SLC39A11: variants seen among roughly 807,000 people sequenced by gnomAD.
SLC39A11 encodes zinc transporter ZIP11.
A neutral mutation model predicts 36.1 loss-of-function variants in SLC39A11; 33 were observed. That is an observed-to-expected ratio of 0.91 (90% CI 0.69 to 1.22). The LOEUF (loss-of-function observed/expected upper bound fraction) is 1.22, where lower values mean the gene tolerates loss of function less well. Ranked by LOEUF, SLC39A11 falls within the 50% of genes most tolerant of loss-of-function variation. The probability of loss-of-function intolerance (pLI) is 0.00; values close to 1 mark genes in which losing one functional copy is unlikely to be tolerated. For missense variants in SLC39A11, 432 were observed against 430.3 expected, an observed-to-expected ratio of 1.00 and a Z score of -0.03; for synonymous variants, 166 against 170.3, an observed-to-expected ratio of 0.97 and a Z score of 0.20.
intron 5 of SLC39A11, among the ~76,000 whole-genome samples, chr17:72,889,737 G>A (rs1294854630): frequency 6.6e-6 from 1 of 152,146 alleles, no homozygotes; most frequent in African/African-American, 2.4e-5. Flanking sequence ...TAATCTGCAT[G>A]ATACTGTCAC....
At chr17:72,843,546 T>C (rs1022410157) in intron 6 of SLC39A11, among the ~76,000 whole-genome samples, 2 of 152,080 alleles carry the variant, frequency 1.3e-5, no homozygotes, top group East Asian at 3.9e-4. Flanking sequence ...CTTTCCACCA[T>C]GTGAGGATAC....
At chr17:72,924,948 G>A (rs184106364) in intron 5 of SLC39A11, among the ~76,000 whole-genome samples, 29 of 148,620 alleles carry the variant, frequency 2.0e-4, no homozygotes, top group Non-Finnish European at 3.7e-4. Flanking sequence ...GTTGCAGTGA[G>A]CCGAGATTGT....
At chr17:72,698,685 T>C (rs937117708) in intron 7 of SLC39A11, among the ~76,000 whole-genome samples, 1 of 152,188 alleles carries the variant, frequency 6.6e-6, no homozygotes, top group Non-Finnish European at 1.5e-5. Context: ...ATTTGTGCCA[T>C]ATATTCTTCT....
chr17:72,837,508 G>C (rs2078613485), intron 6 of SLC39A11, among the ~76,000 whole-genome samples: 1 of 152,102 alleles, frequency 6.6e-6, no homozygotes, highest in African/African-American at 2.4e-5. Flanking sequence ...TGGCTTCAAA[G>C]AGTTCAAAGG....
At chr17:72,747,342 G>C (rs991157908) in intron 6 of SLC39A11, among the ~76,000 whole-genome samples, 1 of 152,148 alleles carries the variant, frequency 6.6e-6, no homozygotes, top group African/African-American at 2.4e-5. Flanking sequence ...GTAGAGGCGG[G>C]GTTTTTGCCA....
At chr17:72,786,621 A>C (rs7220220) in intron 6 of SLC39A11, among the ~76,000 whole-genome samples, 2,383 of 152,092 alleles carry the variant, frequency 0.016, 37 homozygotes, top group African/African-American at 0.039. Flanking sequence ...GCTATTCCTC[A>C]ATGACAGGGA....
chr17:72,754,067 C>T (rs1264769409), intron 6 of SLC39A11, among the ~76,000 whole-genome samples: 46 of 148,402 alleles, frequency 3.1e-4, no homozygotes, highest in African/African-American at 9.9e-4. Context: ...CACACACACA[C>T]ACACACACAC....
intron 7 of SLC39A11, among the ~76,000 whole-genome samples, chr17:72,729,447 A>AT (rs2074114827): frequency 2.5e-4 from 1 of 4,002 alleles, no homozygotes; most frequent in Admixed American, 5.3e-3. Flanking sequence ...ATATATATAT[A>AT]TATATATATA....
chr17:73,073,041 G>T (rs1188158422), intron 3 of SLC39A11, among the ~76,000 whole-genome samples: 1 of 152,192 alleles, frequency 6.6e-6, no homozygotes, highest in Non-Finnish European at 1.5e-5. Context: ...TTAGCTGGAC[G>T]TGGTGGCAGG....
chr17:72,972,493 G>T (rs145653377), intron 4 of SLC39A11, among the ~76,000 whole-genome samples: 91 of 152,256 alleles, frequency 6.0e-4, no homozygotes, highest in Middle Eastern at 3.4e-3. Flanking sequence ...TGCTTATGAG[G>T]CATGAGGGCA....
intron 4 of SLC39A11, among the ~76,000 whole-genome samples, chr17:72,998,381 C>G (rs1019715363): frequency 1.3e-5 from 2 of 152,168 alleles, no homozygotes; most frequent in Admixed American, 6.5e-5. Context: ...AAGTCATGCA[C>G]CAATTTTAGG....
intron 6 of SLC39A11, among the ~76,000 whole-genome samples, chr17:72,810,084 CAAA>C (rs10708067): frequency 8.8e-5 from 12 of 136,674 alleles, no homozygotes; most frequent in East Asian, 2.1e-4. Flanking sequence ...ACAAAAACAA[CAAA>C]AAAAAAAAAA....
At chr17:73,023,872 C>T (rs2058443058) in intron 4 of SLC39A11, among the ~76,000 whole-genome samples, 1 of 152,126 alleles carries the variant, frequency 6.6e-6, no homozygotes, top group African/African-American at 2.4e-5. Flanking sequence ...CGTAAAGAAA[C>T]ACCAGGGATG....
chr17:72,906,379 C>T (rs147201273), intron 5 of SLC39A11, among the ~76,000 whole-genome samples: 357 of 152,378 alleles, frequency 2.3e-3, no homozygotes, highest in African/African-American at 8.3e-3. Context: ...GTGAGAAGGA[C>T]ACCTGTGCCT....
chr17:72,794,598 T>G (rs774537405), intron 6 of SLC39A11, among the ~76,000 whole-genome samples: 1 of 152,004 alleles, frequency 6.6e-6, no homozygotes, highest in Non-Finnish European at 1.5e-5. Flanking sequence ...ACTCAAACTG[T>G]CCAGTCCTCC....
intron 6 of SLC39A11, among the ~76,000 whole-genome samples, chr17:72,847,641 C>T (rs140537726): frequency 8.7e-4 from 132 of 152,056 alleles, no homozygotes; most frequent in Non-Finnish European, 1.2e-3. Flanking sequence ...ATAGTGCTTT[C>T]GGCAGATTTA....
rs1038310603 is a variant in SLC39A11 at position 72,970,870 on chromosome 17, G to A, written c.307-22995C>T. ...CTTAGACAGCTCCTTCGAGCTGGCC[G>A]CATGGGCACTGTGTCCTCAGAGCCT... On this transcript the variant is annotated intron_variant, in intron 4 of 9. Transcript: ENST00000255559. Among the ~76,000 whole-genome samples the A allele has an allele frequency of 2.0e-5, 3 of 152,340 alleles. No individual in the cohort carries two copies. In the South Asian group the frequency reaches 6.2e-4, roughly 32 times the overall value.
chr17:73,088,666 A>G lies in SLC39A11; in HGVS notation c.99T>C (p.Ser33=), dbSNP rs372639620. 18 of 1,611,826 alleles carry G rather than the reference A, an allele frequency of 1.1e-5. No individual in the cohort carries two copies. The highest frequency in any genetic ancestry group is 1.5e-5 in the Non-Finnish European group (18 of 1,178,986). The change falls in exon 2 of 10, where the codon TCT becomes TCC. Residue 33 remains serine (S), a synonymous_variant. Coordinates refer to ENST00000255559, the MANE Select transcript of SLC39A11 (RefSeq NM_139177.4). ...AAGCAAGGCAACTCACCTGTCCACTAGAGAATACGAACACGAGAGCTGCCC... is the reference window on the plus strand; with the variant it reads ...AAGCAAGGCAACTCACCTGTCCACTGGAGAATACGAACACGAGAGCTGCCC... The part of the protein sequence containing the change: ...AAGAALVFVF[S]SGQRRILDGS...
At position 72,783,713 on chromosome 17, in the gene SLC39A11, AT is replaced by A. The variant is rs1195105522; in HGVS notation, c.602-46995del. Among the ~76,000 whole-genome samples, 5 of 152,348 alleles carry A rather than the reference AT, an allele frequency of 3.3e-5. No individual in the cohort carries two copies. The South Asian group carries it at 1.0e-3, about 32-fold the overall frequency. ...GAGGAAAACCATAGATCAGATCTAC[AT>A]CAGCTTCTAAACGCAGGCAGGAGTC... On this transcript the variant is annotated intron_variant, in intron 6 of 9. Coordinates refer to ENST00000255559, the MANE Select transcript of SLC39A11 (RefSeq NM_139177.4).
Sources: allele counts gnomAD v4.1 joint callset (sites outside exome capture counted in the v4.1 genomes callset), GRCh38; gene constraint gnomAD v4.1.1; transcripts MANE v1.5; gene names NCBI Gene and HGNC (gene_info 2026-07-23, HGNC 2026-07-21).